Variants in KLHL32 observed in about 807,000 individuals in gnomAD.
KLHL32 encodes the protein kelch-like protein 32.
In KLHL32, 35 loss-of-function variants were observed where a neutral mutation model predicts 64.8. The observed-to-expected ratio is 0.54, with a 90% confidence interval of 0.41 to 0.72. The LOEUF is 0.72. Among genes scored for constraint, KLHL32 ranks in the 30% least tolerant of loss-of-function variants. KLHL32 has a pLI of 0.00. For missense variants in KLHL32, 589 were observed against 768.5 expected, an observed-to-expected ratio of 0.77 and a Z score of 2.76; for synonymous variants, 259 against 281.0, an observed-to-expected ratio of 0.92 and a Z score of 0.78.
At chr6:97,107,449 T>C (rs1385451007) in intron 6 of KLHL32, among the ~76,000 whole-genome samples, 1 of 152,234 alleles carries the variant, frequency 6.6e-6, no homozygotes, top group Non-Finnish European at 1.5e-5. Context: ...GCTAATTCAT[T>C]GTATGACTTG....
chr6:97,092,157 T>A (rs1794354399), intron 6 of KLHL32, among the ~76,000 whole-genome samples: 1 of 151,994 alleles, frequency 6.6e-6, no homozygotes, highest in South Asian at 2.1e-4. Flanking sequence ...CCTGGCTAAT[T>A]TTTTTGTATT....
chr6:97,051,974 T>G (rs1786986732), intron 4 of KLHL32, among the ~76,000 whole-genome samples: 1 of 152,204 alleles, frequency 6.6e-6, no homozygotes, highest in Admixed American at 6.5e-5. Context: ...TTCATCTGGC[T>G]TGGTGGTTCT....
At chr6:96,955,135 C>A (rs889993433) in intron 1 of KLHL32, among the ~76,000 whole-genome samples, 1 of 152,176 alleles carries the variant, frequency 6.6e-6, no homozygotes, top group Non-Finnish European at 1.5e-5. Context: ...ACCCAATTAC[C>A]TCCCAAAGGC....
At chr6:96,980,273 A>G (rs1359793112) in intron 3 of KLHL32, among the ~76,000 whole-genome samples, 1 of 152,134 alleles carries the variant, frequency 6.6e-6, no homozygotes, top group Non-Finnish European at 1.5e-5. Context: ...GCTTTTACCT[A>G]TTCAGTATGA....
chr6:97,007,582 C>T (rs557925415), intron 3 of KLHL32, among the ~76,000 whole-genome samples: 1 of 152,324 alleles, frequency 6.6e-6, no homozygotes, highest in South Asian at 2.1e-4. Context: ...TGCCACAGTT[C>T]TTGCACTGGT....
chr6:96,926,460 A>T (rs1195355067), intron 1 of KLHL32, among the ~76,000 whole-genome samples: 1 of 152,200 alleles, frequency 6.6e-6, no homozygotes. Context: ...AATCCTCACA[A>T]CAACCCTTTG....
At position 97,041,501 on chromosome 6, in the gene KLHL32, A is replaced by C; in HGVS notation, c.214A>C (p.Ser72Arg). 6.2e-7 allele frequency: 1 copy of C among 1,611,936 alleles called. No individual in the cohort carries two copies. The highest frequency in any genetic ancestry group is 1.7e-4 in the Middle Eastern group (1 of 6,060). ...CCTTTCCTCACCTCAGGCAATGTTC[A>C]GTCTTTGTATGGTGGAAAGTGGAGC... ...ACSDYFRAMFSLCMVESGADE... is the reference protein window; with the variant it reads ...ACSDYFRAMFRLCMVESGADE... The change falls in exon 4 of 11, where the codon AGT becomes CGT. Residue 72 changes from serine to arginine, a missense_variant. Coordinates refer to ENST00000369261, the MANE Select transcript of KLHL32 (RefSeq NM_052904.4).
rs563152570 is a variant in KLHL32 at position 97,030,983 on chromosome 6, T to C, written c.205-10509T>C. On this transcript the variant is annotated intron_variant, in intron 3 of 10. Transcript: ENST00000369261. ...AGCACCACAGTGAGAAAAGGAGATA[T>C]GGCACCTGCCTTCATGGAGCCTGCA... is the stretch of plus-strand genomic sequence containing the variant. Among the ~76,000 whole-genome samples, 3 of 152,342 alleles carry C rather than the reference T, an allele frequency of 2.0e-5. No homozygotes were observed. In the East Asian group the frequency reaches 5.8e-4, roughly 29 times the overall value.
intron 1 of KLHL32, among the ~76,000 whole-genome samples, chr6:96,951,179 T>TA (rs1056508770): frequency 2.0e-5 from 3 of 152,078 alleles, no homozygotes; most frequent in African/African-American, 7.2e-5. Context: ...GGTTTGATGA[T>TA]AAGGGAGACT....
intron 3 of KLHL32, among the ~76,000 whole-genome samples, chr6:96,985,567 A>G (rs933626729): frequency 2.6e-5 from 4 of 151,894 alleles, no homozygotes; most frequent in Non-Finnish European, 5.9e-5. Context: ...GGCTTTGTTC[A>G]TTTCTTTTTA....
intron 3 of KLHL32, among the ~76,000 whole-genome samples, chr6:97,022,929 G>A (rs1562252702): frequency 6.6e-6 from 1 of 152,172 alleles, no homozygotes; most frequent in Non-Finnish European, 1.5e-5. Flanking sequence ...ATGGCATAAG[G>A]CGAAGAGGAG....
intron 2 of KLHL32, among the ~76,000 whole-genome samples, chr6:96,973,488 A>C (rs1257358068): frequency 6.6e-6 from 1 of 152,140 alleles, no homozygotes; most frequent in Non-Finnish European, 1.5e-5. Flanking sequence ...TTTCAAATAT[A>C]TTTTCTAAGG....
At chr6:97,061,957 G>A (rs1052478113) in intron 4 of KLHL32, among the ~76,000 whole-genome samples, 1 of 152,186 alleles carries the variant, frequency 6.6e-6, no homozygotes, top group Non-Finnish European at 1.5e-5. Context: ...CCATAAGTGA[G>A]AACAGCTGTC....
chr6:97,111,361 G>A (rs904887978), intron 6 of KLHL32, among the ~76,000 whole-genome samples: 2 of 152,286 alleles, frequency 1.3e-5, no homozygotes, highest in Middle Eastern at 3.4e-3. Context: ...GATCCTGGGC[G>A]GGCCTCCAGA....
intron 10 of KLHL32, 85 bp downstream of exon 10, chr6:97,132,832 A>AAAAAGAAAAAAAATCCATTTC: frequency 1.1e-6 from 1 of 942,528 alleles, no homozygotes; most frequent in South Asian, 1.6e-5. Flanking sequence ...AGAAAGAGAT[A>AAAAAGAAAAAAAATCCATTTC]TTTATGTTTA....
At chr6:97,124,473 T>C (rs1335975505) in intron 7 of KLHL32, among the ~76,000 whole-genome samples, 1 of 152,112 alleles carries the variant, frequency 6.6e-6, no homozygotes, top group African/African-American at 2.4e-5. Context: ...AGCATAGAGA[T>C]AAATTGTATG....
At chr6:97,047,320 G>C (rs143379221) in intron 4 of KLHL32, among the ~76,000 whole-genome samples, 4 of 152,300 alleles carry the variant, frequency 2.6e-5, no homozygotes, top group Admixed American at 6.5e-5. Flanking sequence ...TGCTTGAATA[G>C]ACCTTGGGAT....
chr6:97,030,753 A>C (rs150946068), intron 3 of KLHL32, among the ~76,000 whole-genome samples: 5 of 152,188 alleles, frequency 3.3e-5, no homozygotes, highest in African/African-American at 1.2e-4. Flanking sequence ...CTTACAGTAG[A>C]TGCTCTTTCT....
intron 5 of KLHL32, among the ~76,000 whole-genome samples, chr6:97,069,218 C>G (rs540122162): frequency 6.6e-6 from 1 of 152,186 alleles, no homozygotes; most frequent in Admixed American, 6.6e-5. Context: ...GAGAAAGGGT[C>G]CTGCCCTAAA....
Sources: allele counts gnomAD v4.1 joint callset (sites outside exome capture counted in the v4.1 genomes callset), GRCh38; gene constraint gnomAD v4.1.1; transcripts MANE v1.5; gene names NCBI Gene and HGNC (gene_info 2026-07-23, HGNC 2026-07-21).